The following ARHGEF10 variants were observed in gnomAD, a reference collection of about 807,000 sequenced individuals.
The protein encoded by ARHGEF10 is Rho guanine nucleotide exchange factor (GEF) 10.
A neutral mutation model predicts 147.4 loss-of-function variants in ARHGEF10; 140 were observed. The observed-to-expected ratio is 0.95, with a 90% confidence interval of 0.83 to 1.09. The LOEUF is 1.09. Among genes scored for constraint, ARHGEF10 ranks in the 50% least tolerant of loss-of-function variants. ARHGEF10 has a pLI of 0.00. For synonymous variants in ARHGEF10, 902 were observed against 695.8 expected, an observed-to-expected ratio of 1.30 and a Z score of -4.67; for missense variants, 2,222 against 1,752.7, an observed-to-expected ratio of 1.27 and a Z score of -4.78.
At chr8:1,924,060 G>T (rs1165233524) in intron 21 of ARHGEF10, among the ~76,000 whole-genome samples, 186 bp downstream of exon 21, 3 of 152,228 alleles carry the variant, frequency 2.0e-5, no homozygotes, top group Non-Finnish European at 2.9e-5. Flanking sequence ...TATTAAAATA[G>T]AGGGATCGCA....
intron 2 of ARHGEF10, among the ~76,000 whole-genome samples, chr8:1,855,844 T>A (rs932304119): frequency 6.6e-6 from 1 of 152,192 alleles, no homozygotes; most frequent in East Asian, 1.9e-4. Context: ...AAACAGTTTT[T>A]TTGTTTGTTT....
intron 20 of ARHGEF10, 39 bp from the exon 21 acceptor site, chr8:1,923,735 C>T (rs763178913): frequency 5.8e-5 from 93 of 1,613,442 alleles, no homozygotes; most frequent in Non-Finnish European, 7.3e-5. Flanking sequence ...GGATGGAGCA[C>T]GTTTTATAAA....
rs780803629 is a variant in ARHGEF10 at position 1,909,443 on chromosome 8, C to T, written c.2116C>T (p.Leu706=). 1.5e-5 allele frequency: 24 copies of T among 1,613,990 alleles called. No individual in the cohort carries two copies. In the East Asian group the frequency reaches 2.2e-4, roughly 15 times the overall value. The change falls in exon 18 of 29, where the codon CTG becomes TTG. Residue 706 remains leucine (L), a synonymous_variant. Transcript: ENST00000349830. ...CCTTGCCGTTCACCCGCCGGAGAGCCTGGCCGTGGTTGCTAACGCGAAACC... is the reference window on the plus strand; with the variant it reads ...CCTTGCCGTTCACCCGCCGGAGAGCTTGGCCGTGGTTGCTAACGCGAAACC... ...RHLAVHPPES[L]AVVANAKPNK...
chr8:1,857,014 C>T (rs571493758), intron 2 of ARHGEF10, among the ~76,000 whole-genome samples: 44 of 152,294 alleles, frequency 2.9e-4, no homozygotes, highest in South Asian at 6.2e-4. Context: ...ATGATGCACA[C>T]GGCAGGCTGC....
Position 1,903,314 on chromosome 8 carries a change from G to A in ARHGEF10, c.1684G>A (p.Asp562Asn), listed in dbSNP as rs1810624529. The A allele has an allele frequency of 1.9e-6, 3 of 1,614,070 alleles. No homozygotes were observed. The highest frequency in any genetic ancestry group is 1.1e-5 in the South Asian group (1 of 91,084). ...MLKNTSKGHP[D>N]RLPLQMALTE... Reference sequence around the variant, plus strand: ...GAAGAACACCTCCAAAGGCCACCCCGACAGGCTGCCTCTTCAGATGGCCCT... The same window carrying A: ...GAAGAACACCTCCAAAGGCCACCCCAACAGGCTGCCTCTTCAGATGGCCCT... Residue 562 changes from aspartate (D) to asparagine (N), a missense_variant, in exon 16 of 29, where the codon GAC becomes AAC. Physicochemically the swap from Asp to Asn is conservative, Grantham distance 23. Coordinates refer to ENST00000349830, the MANE Select transcript of ARHGEF10 (RefSeq NM_014629.4).
chr8:1,929,052 C>A (rs1331794294), intron 24 of ARHGEF10, among the ~76,000 whole-genome samples: 1 of 152,034 alleles, frequency 6.6e-6, no homozygotes, highest in African/African-American at 2.4e-5. Context: ...ATGTGAAGTT[C>A]CAAGATACAC....
intron 28 of ARHGEF10, among the ~76,000 whole-genome samples, chr8:1,955,691 A>G (rs913408248): frequency 1.3e-5 from 2 of 152,144 alleles, no homozygotes; most frequent in Non-Finnish European, 2.9e-5. Context: ...GCTTCCTGAA[A>G]GGACGTGCAC....
At chr8:1,873,727 A>T (rs113458634) in intron 7 of ARHGEF10, among the ~76,000 whole-genome samples, 2 of 126,758 alleles carry the variant, frequency 1.6e-5, no homozygotes, top group Non-Finnish European at 3.3e-5. Flanking sequence ...CGCATTTCCT[A>T]GTTGCCTTGA....
chr8:1,832,583 GA>G, intron 1 of ARHGEF10, among the ~76,000 whole-genome samples: 1 of 130,938 alleles, frequency 7.6e-6, no homozygotes, highest in East Asian at 2.3e-4. Flanking sequence ...GACAGAGGCA[GA>G]GACAGAGACA....
At position 1,888,329 on chromosome 8, in the gene ARHGEF10, TGAC is replaced by T. The variant is rs1808959936; in HGVS notation, c.1182+2623_1182+2625del. 3.2e-4 allele frequency among the ~76,000 whole-genome samples: 15 copies of T among 46,600 alleles called. 3 individuals carry two copies. The highest frequency in any genetic ancestry group is 1.3e-3 in the African/African-American group (13 of 9,744). The allele number at this position is 46,600 out of a possible 152,430, so 30.6% of individuals were successfully genotyped here. On this transcript the variant is annotated intron_variant, in intron 11 of 28. Coordinates refer to ENST00000349830, the MANE Select transcript of ARHGEF10 (RefSeq NM_014629.4). ...TGTGAGGATATGCTGAGTGGGATGT[TGAC>T]TGTGAGGAGACACTGAGTGGGGTGA...
chr8:1,826,702 T>C (rs990554281), intron 1 of ARHGEF10, among the ~76,000 whole-genome samples: 2 of 152,180 alleles, frequency 1.3e-5, no homozygotes, highest in Non-Finnish European at 2.9e-5. Context: ...GAAAACGTCA[T>C]AGTGAGATGT....
At chr8:1,824,263 G>T (rs567427505) in intron 1 of ARHGEF10, 150 bp downstream of exon 1, 7 of 152,252 alleles carry the variant, frequency 4.6e-5, no homozygotes, top group African/African-American at 1.4e-4. Context: ...TCAGGGAAGG[G>T]GCTGAGACCC....
At chr8:1,945,801 C>T in intron 27 of ARHGEF10, 146 bp downstream of exon 27, 1 of 1,229,822 alleles carries the variant, frequency 8.1e-7, no homozygotes, top group Non-Finnish European at 1.2e-6. Flanking sequence ...GGACAAGGCC[C>T]AGGGACAGAC....
At chr8:1,848,493 C>T (rs1015764506) in intron 2 of ARHGEF10, among the ~76,000 whole-genome samples, 7 of 152,134 alleles carry the variant, frequency 4.6e-5, no homozygotes, top group Admixed American at 1.3e-4. Flanking sequence ...AGATGTGCTG[C>T]GCAGCGATGG....
chr8:1,839,135 ACTGT>A (rs1332895588), intron 1 of ARHGEF10, among the ~76,000 whole-genome samples: 1 of 99,550 alleles, frequency 1.0e-5, no homozygotes, highest in Non-Finnish European at 2.0e-5. Flanking sequence ...TGGTGTGGAA[ACTGT>A]CTGGTATGGG....
In ARHGEF10 at chr8:1,840,089, ACTGTCCGGTGTGGAAT is replaced by A. The variant is rs1359656441; in HGVS notation, c.-47-3250_-47-3235del. On this transcript the variant is annotated intron_variant, in intron 1 of 28. Coordinates refer to ENST00000349830, the MANE Select transcript of ARHGEF10 (RefSeq NM_014629.4). ...GGTGTGGAAGCTGTCTGGTGTGGGG[ACTGTCCGGTGTGGAAT>A]CTGTCCGGTGTGGGGACTGTCCTGT... 3.4e-5 allele frequency among the ~76,000 whole-genome samples: 4 copies of A among 116,298 alleles called. No individual in the cohort carries two copies. The South Asian group carries it at 9.5e-4, about 28-fold the overall frequency. 76.3% of individuals were successfully genotyped at this position (116,298 alleles called of 152,430 possible).
At chr8:1,855,709 G>T (rs2129067662) in intron 2 of ARHGEF10, among the ~76,000 whole-genome samples, 1 of 152,166 alleles carries the variant, frequency 6.6e-6, no homozygotes, top group South Asian at 2.1e-4. Flanking sequence ...CATTTTCACT[G>T]ATCATTTTCG....
At chr8:1,834,595 G>A (rs1001767275) in intron 1 of ARHGEF10, among the ~76,000 whole-genome samples, 5 of 152,118 alleles carry the variant, frequency 3.3e-5, no homozygotes, top group South Asian at 2.1e-4. Flanking sequence ...CCCTCTGTCC[G>A]TCCATCCATC....
intron 18 of ARHGEF10, among the ~76,000 whole-genome samples, chr8:1,913,219 G>C (rs1811509966): frequency 6.6e-6 from 1 of 152,034 alleles, no homozygotes; most frequent in Non-Finnish European, 1.5e-5. Context: ...GCTCTAGCCG[G>C]GCTCTGGCCT....
Sources: allele counts gnomAD v4.1 joint callset (sites outside exome capture counted in the v4.1 genomes callset), GRCh38; gene constraint gnomAD v4.1.1; transcripts MANE v1.5; gene names NCBI Gene and HGNC (gene_info 2026-07-23, HGNC 2026-07-21).